The following SLIT1 variants were observed in gnomAD, a reference collection of about 807,000 sequenced individuals.
The protein encoded by SLIT1 is slit homolog 1 protein.
In SLIT1, 66 loss-of-function variants were observed where a neutral mutation model predicts 186.1. The observed-to-expected ratio is 0.35, with a 90% CI of 0.29 to 0.44. SLIT1 has a LOEUF of 0.44. Ranked by LOEUF, SLIT1 falls within the 20% of genes least tolerant of loss-of-function variation. The pLI, the probability that SLIT1 is intolerant of heterozygous loss-of-function variation, is 1.00. For missense variants in SLIT1, 1,638 were observed against 2,037.4 expected (o/e 0.80, Z 3.77); for synonymous variants, 761 against 833.8 (o/e 0.91, Z 1.50).
At position 97,001,361 on chromosome 10, in the gene SLIT1, C is replaced by T; in HGVS notation, c.4367-11G>A. 6.2e-7 allele frequency: 1 copy of T among 1,605,412 alleles called. No individual in the cohort carries two copies. The highest frequency in any genetic ancestry group is 1.3e-5 in the African/African-American group (1 of 74,852). ...CCCGGCACTCGGACTCTGGATGGGACAGACACCAAGAGAAAGCCTCAGGGC... is the reference window on the plus strand; with the variant it reads ...CCCGGCACTCGGACTCTGGATGGGATAGACACCAAGAGAAAGCCTCAGGGC... On this transcript the variant is annotated splice_polypyrimidine_tract_variant and intron_variant, in intron 36 of 36. Coordinates refer to ENST00000266058, the MANE Select transcript of SLIT1 (RefSeq NM_003061.3).
chr10:97,133,011 C>G lies in SLIT1; in HGVS notation c.413+24807G>C, dbSNP rs115693607. On this transcript the variant is annotated intron_variant, in intron 4 of 36. Coordinates refer to ENST00000266058, the MANE Select transcript of SLIT1 (RefSeq NM_003061.3). ...TTAGATGAAAACAGTCACCAGCTAACGTCCCCCAGTCATAAAGTAAATTCA... is the reference window on the plus strand; with the variant it reads ...TTAGATGAAAACAGTCACCAGCTAAGGTCCCCCAGTCATAAAGTAAATTCA... Among the ~76,000 whole-genome samples the G allele has an allele frequency of 3.8e-3, 583 of 152,292 alleles. 2 individuals are homozygous for G. Among genetic ancestry groups the G allele is most frequent in the African/African-American group, 0.011 (449 of 41,558 alleles).
chr10:97,085,393 T>G (rs553956768), intron 4 of SLIT1, among the ~76,000 whole-genome samples: 4 of 152,162 alleles, frequency 2.6e-5, no homozygotes, highest in South Asian at 4.2e-4. Flanking sequence ...GTACTTTTTT[T>G]TTTTTTGTTT....
At chr10:97,174,377 C>T (rs1017874575) in intron 1 of SLIT1, among the ~76,000 whole-genome samples, 2 of 152,232 alleles carry the variant, frequency 1.3e-5, no homozygotes, top group African/African-American at 4.8e-5. Context: ...AGGCCTTGCA[C>T]GCACTCCCGT....
At chr10:97,146,414 T>A (rs761379869) in intron 4 of SLIT1, among the ~76,000 whole-genome samples, 3 of 152,142 alleles carry the variant, frequency 2.0e-5, no homozygotes, top group Non-Finnish European at 4.4e-5. Context: ...TGGCACCAAC[T>A]CATGCCCGTC....
intron 4 of SLIT1, among the ~76,000 whole-genome samples, chr10:97,066,777 T>C (rs1463609599): frequency 6.6e-6 from 1 of 152,162 alleles, no homozygotes; most frequent in African/African-American, 2.4e-5. Flanking sequence ...CACTTCTTTA[T>C]AGCAATACAA....
Position 97,043,462 on chromosome 10 carries a change from G to A in SLIT1, c.1905C>T (p.Gly635=), listed in dbSNP as rs771760576. 8.2e-5 allele frequency: 132 copies of A among 1,613,954 alleles called. No individual in the cohort carries two copies. The highest frequency in any genetic ancestry group is 1.1e-4 in the Non-Finnish European group (127 of 1,179,978). The change falls in exon 19 of 37, where the codon GGC becomes GGT. Residue 635 remains glycine (G), a synonymous_variant. Coordinates refer to ENST00000266058, the MANE Select transcript of SLIT1 (RefSeq NM_003061.3). The surrounding 1 kb of genome is among the most constrained non-coding windows in gnomAD (Gnocchi z 7.0). ...GCGAGAGGAGCCGGACGTTGCGCAG[G>A]CCCGTGAAGCTGTCGTTGTGGATGC... ...ISCIHNDSFT[G]LRNVRLLSLY...
intron 4 of SLIT1, among the ~76,000 whole-genome samples, chr10:97,113,921 C>G (rs1449521217): frequency 6.6e-6 from 1 of 152,250 alleles, no homozygotes; most frequent in East Asian, 1.9e-4. Flanking sequence ...GACATGCCCA[C>G]GGTCACATGG....
intron 1 of SLIT1, among the ~76,000 whole-genome samples, chr10:97,179,049 G>A (rs373341072): frequency 1.4e-4 from 21 of 151,882 alleles, no homozygotes; most frequent in African/African-American, 4.1e-4. Context: ...GCTTCGCCTC[G>A]CTACTTAACC....
chr10:97,078,727 G>C (rs1218578561), intron 4 of SLIT1, among the ~76,000 whole-genome samples: 1 of 152,246 alleles, frequency 6.6e-6, no homozygotes, highest in Non-Finnish European at 1.5e-5. Context: ...ACAGCAGCAG[G>C]CAACGAGGGT....
At chr10:97,108,963 G>T (rs1675419703) in intron 4 of SLIT1, among the ~76,000 whole-genome samples, 1 of 149,748 alleles carries the variant, frequency 6.7e-6, no homozygotes, top group Non-Finnish European at 1.5e-5. Context: ...ATGGGCCCAG[G>T]GTCGGAGTGC....
chr10:97,082,598 C>T (rs534230701), intron 4 of SLIT1, among the ~76,000 whole-genome samples: 1 of 152,206 alleles, frequency 6.6e-6, no homozygotes, highest in South Asian at 2.1e-4. Context: ...CCATGCCCAG[C>T]TAATTCTTTG....
chr10:97,149,889 A>G (rs1421742559), intron 4 of SLIT1, among the ~76,000 whole-genome samples: 2 of 152,206 alleles, frequency 1.3e-5, no homozygotes, highest in African/African-American at 4.8e-5. Context: ...AACATTCCAC[A>G]TCTGCCCTGG....
chr10:97,002,527 T>C (rs1848320569), intron 35 of SLIT1, among the ~76,000 whole-genome samples, 158 bp from the exon 36 acceptor site: 1 of 151,240 alleles, frequency 6.6e-6, no homozygotes, highest in African/African-American at 2.4e-5. Flanking sequence ...CATGCGACTA[T>C]GTGTGTGTCC....
At chr10:97,064,707 T>C (rs992798607) in intron 6 of SLIT1, 98 bp downstream of exon 6, 10 of 837,546 alleles carry the variant, frequency 1.2e-5, no homozygotes, top group Middle Eastern at 3.6e-4. Context: ...GGTCTCTCCC[T>C]TCCTGTCTCC....
At chr10:97,048,909 A>G (rs1377430571) in intron 14 of SLIT1, 46 bp downstream of exon 14, 1 of 1,582,032 alleles carries the variant, frequency 6.3e-7, no homozygotes, top group South Asian at 1.1e-5. Flanking sequence ...GCAGGTGGGC[A>G]GGCAGGTAGG....
chr10:97,017,607 CT>C (rs1163412872), intron 28 of SLIT1, among the ~76,000 whole-genome samples: 140 of 152,200 alleles, frequency 9.2e-4, no homozygotes, highest in Non-Finnish European at 1.6e-3. Flanking sequence ...GGCCGGAGGG[CT>C]ATCCCCTCCC....
intron 4 of SLIT1, among the ~76,000 whole-genome samples, chr10:97,142,395 A>G (rs894011483): frequency 1.3e-5 from 2 of 152,224 alleles, no homozygotes; most frequent in African/African-American, 4.8e-5. Flanking sequence ...TCAACAAATG[A>G]TGCTGGGAAA....
intron 4 of SLIT1, among the ~76,000 whole-genome samples, chr10:97,144,482 A>G (rs1350123180): frequency 6.6e-6 from 1 of 152,190 alleles, no homozygotes; most frequent in African/African-American, 2.4e-5. Flanking sequence ...TCTATAAACC[A>G]AAGAAAGGAG....
chr10:97,167,541 G>A (rs1041242894), intron 1 of SLIT1, among the ~76,000 whole-genome samples: 13 of 152,176 alleles, frequency 8.5e-5, no homozygotes, highest in Admixed American at 2.6e-4. Context: ...CTGCAAAACC[G>A]AATACCATGT....
Sources: gnomAD v4.1 joint callset for allele counts (sites outside exome capture counted in the v4.1 genomes callset) on GRCh38, gnomAD v4.1.1 for gene constraint, Gnocchi (gnomAD v3.1) non-coding constraint, MANE v1.5 for transcripts, NCBI Gene and HGNC (gene_info 2026-07-23, HGNC 2026-07-21) for gene names.